Variants in EGFLAM observed in about 807,000 individuals in gnomAD.
The protein encoded by EGFLAM is pikachurin.
EGFLAM carries 79 observed loss-of-function variants against 113.1 expected under a neutral mutation model. The ratio of observed to expected loss-of-function variants is 0.70; its 90% CI spans 0.58 to 0.84. EGFLAM has a LOEUF of 0.84. Among genes scored for constraint, EGFLAM ranks in the 40% least tolerant of loss-of-function variants. The pLI, the probability that EGFLAM is intolerant of heterozygous loss-of-function variation, is 0.00. For synonymous variants in EGFLAM, 504 were observed against 487.6 expected (o/e 1.03, Z -0.44); for missense variants, 1,265 against 1,291.6 (o/e 0.98, Z 0.32).
At chr5:38,272,706 A>G (rs1271548071) in intron 1 of EGFLAM, among the ~76,000 whole-genome samples, 1 of 152,160 alleles carries the variant, frequency 6.6e-6, no homozygotes, top group Admixed American at 6.5e-5. Flanking sequence ...TCCTATTGAA[A>G]GCAACCAGTT....
At chr5:38,339,690 G>A (rs116064260) in intron 3 of EGFLAM, among the ~76,000 whole-genome samples, 2,499 of 152,238 alleles carry the variant, frequency 0.016, 67 homozygotes, top group African/African-American at 0.056. Context: ...CTTTTTTCAA[G>A]TCATACATTA....
At chr5:38,330,626 A>G (rs1397202821) in intron 1 of EGFLAM, among the ~76,000 whole-genome samples, 1 of 152,224 alleles carries the variant, frequency 6.6e-6, no homozygotes, top group Non-Finnish European at 1.5e-5. Flanking sequence ...CTGCAGATAC[A>G]CAAGGGATAC....
In EGFLAM at chr5:38,427,147, T is replaced by C. The variant is rs1193675040; in HGVS notation, c.1949T>C (p.Leu650Pro). 2.5e-6 allele frequency: 4 copies of C among 1,614,162 alleles called. No individual in the cohort carries two copies. The highest frequency in any genetic ancestry group is 1.3e-5 in the African/African-American group (1 of 75,038). ...TFRPDSGDGV[L>P]LYSYDTGSKD... The stretch of plus-strand genomic sequence containing the variant: ...CGGCCAGACTCAGGAGATGGTGTCC[T>C]CCTGTACAGCTATGACACAGGCAGC... Residue 650 changes from leucine to proline, a missense_variant, in exon 14 of 22, where the codon CTC becomes CCC. Physicochemically the swap from Leu to Pro is moderately conservative, Grantham distance 98. Coordinates refer to ENST00000322350, the MANE Select transcript of EGFLAM (RefSeq NM_152403.4).
intron 3 of EGFLAM, among the ~76,000 whole-genome samples, chr5:38,349,792 C>CAA (rs1739568942): frequency 6.6e-6 from 1 of 150,682 alleles, no homozygotes; most frequent in African/African-American, 2.5e-5. Context: ...CACACACACA[C>CAA]ACACACACAC....
intron 1 of EGFLAM, among the ~76,000 whole-genome samples, chr5:38,325,285 G>A (rs1053807231): frequency 2.0e-5 from 3 of 152,164 alleles, no homozygotes; most frequent in African/African-American, 4.8e-5. Context: ...TTCTTCATCT[G>A]TAAAGTGGGA....
intron 6 of EGFLAM, among the ~76,000 whole-genome samples, chr5:38,394,797 C>A (rs1301796500): frequency 2.7e-5 from 4 of 147,850 alleles, no homozygotes; most frequent in Non-Finnish European, 5.9e-5. Flanking sequence ...CTCTTCGCAT[C>A]TTACTCTTTC....
intron 1 of EGFLAM, among the ~76,000 whole-genome samples, chr5:38,321,847 T>C (rs542457507): frequency 6.6e-6 from 1 of 152,130 alleles, no homozygotes; most frequent in African/African-American, 2.4e-5. Flanking sequence ...GCACAAGAGT[T>C]CCCATAGAAG....
At chr5:38,413,489 A>T (rs937417867) in intron 11 of EGFLAM, among the ~76,000 whole-genome samples, 3 of 145,456 alleles carry the variant, frequency 2.1e-5, no homozygotes, top group African/African-American at 5.1e-5. Context: ...GGAAATGGTT[A>T]AAAAAAAAAA....
At chr5:38,432,661 T>C (rs1057282357) in intron 15 of EGFLAM, among the ~76,000 whole-genome samples, 1 of 152,228 alleles carries the variant, frequency 6.6e-6, no homozygotes, top group African/African-American at 2.4e-5. Context: ...GGCTTAATGA[T>C]ATAAATCCAA....
chr5:38,317,750 A>G (rs779977118), intron 1 of EGFLAM, among the ~76,000 whole-genome samples: 3 of 152,204 alleles, frequency 2.0e-5, no homozygotes, highest in Admixed American at 6.5e-5. Flanking sequence ...TTCTAACCCA[A>G]TGGCTTTACA....
chr5:38,289,558 G>A (rs771543418), intron 1 of EGFLAM, among the ~76,000 whole-genome samples: 20 of 152,198 alleles, frequency 1.3e-4, no homozygotes, highest in Non-Finnish European at 2.5e-4. Flanking sequence ...GTTTCTGATA[G>A]AGGAGGAAAG....
intron 17 of EGFLAM, among the ~76,000 whole-genome samples, chr5:38,439,407 C>T (rs75363273): frequency 0.012 from 1,843 of 151,660 alleles, 42 homozygotes; most frequent in African/African-American, 0.042. Flanking sequence ...AAAAACAAGC[C>T]TGGAAGAAAT....
Position 38,275,365 on chromosome 5 carries a change from G to A in EGFLAM, c.97+16514G>A, listed in dbSNP as rs78421878. Among the ~76,000 whole-genome samples the A allele has an allele frequency of 1.6e-4, 25 of 152,246 alleles. No individual in the cohort carries two copies. In the East Asian group the frequency reaches 4.0e-3, roughly 25 times the overall value. On this transcript the variant is annotated intron_variant, in intron 1 of 21. Transcript: ENST00000322350. ...AGACACATATAGGCTGAAAGTGAAT[G>A]GATGCAAAAAGATATTCTGTGCAAA... is the stretch of plus-strand genomic sequence containing the variant.
At chr5:38,294,658 T>TA (rs548345306) in intron 1 of EGFLAM, among the ~76,000 whole-genome samples, 124 of 150,274 alleles carry the variant, frequency 8.3e-4, no homozygotes, top group African/African-American at 2.5e-3. Flanking sequence ...TTTTCATTGT[T>TA]AAAAAAAAAA....
intron 1 of EGFLAM, among the ~76,000 whole-genome samples, chr5:38,311,096 T>G (rs963714131): frequency 1.6e-4 from 24 of 152,060 alleles, no homozygotes; most frequent in African/African-American, 5.8e-4. Context: ...TGTTTAAAAA[T>G]TGACAAAGAT....
At chr5:38,404,098 C>G (rs1409383641) in intron 6 of EGFLAM, among the ~76,000 whole-genome samples, 1 of 152,184 alleles carries the variant, frequency 6.6e-6, no homozygotes, top group African/African-American at 2.4e-5. Context: ...CTTCTCTCGT[C>G]TGGTCTGGGA....
intron 1 of EGFLAM, among the ~76,000 whole-genome samples, chr5:38,288,668 AG>A (rs1758230744): frequency 6.6e-6 from 1 of 152,250 alleles, no homozygotes; most frequent in Non-Finnish European, 1.5e-5. Flanking sequence ...AATGAAGCTT[AG>A]GACAGACTAA....
intron 12 of EGFLAM, among the ~76,000 whole-genome samples, chr5:38,420,599 C>T (rs1741790403): frequency 6.6e-6 from 1 of 152,224 alleles, no homozygotes; most frequent in African/African-American, 2.4e-5. Context: ...GGGCTTTGCA[C>T]ATCGCAAACA....
intron 19 of EGFLAM, among the ~76,000 whole-genome samples, chr5:38,456,868 G>C (rs977058919): frequency 7.9e-5 from 12 of 152,220 alleles, no homozygotes; most frequent in Non-Finnish European, 1.5e-4. Context: ...TCAAAAGCTT[G>C]ATGGCCTAGG....
Sources: gnomAD v4.1 joint callset for allele counts (sites outside exome capture counted in the v4.1 genomes callset) on GRCh38, gnomAD v4.1.1 for gene constraint, MANE v1.5 for transcripts, NCBI Gene and HGNC (gene_info 2026-07-23, HGNC 2026-07-21) for gene names.